Variants in GREM2 observed in about 807,000 individuals in gnomAD.
GREM2 encodes the protein gremlin-2.
A neutral mutation model predicts 14.2 loss-of-function variants in GREM2; 11 were observed. The ratio of observed to expected loss-of-function variants is 0.78; its 90% CI spans 0.49 to 1.28. GREM2 has a LOEUF of 1.28. Among genes scored for constraint, GREM2 ranks in the 50% most tolerant of loss-of-function variants. The pLI, the probability that GREM2 is intolerant of heterozygous loss-of-function variation, is 0.00. For missense variants in GREM2, 210 were observed against 218.5 expected, an observed-to-expected ratio of 0.96 and a Z score of 0.24; for synonymous variants, 98 against 97.6, an observed-to-expected ratio of 1.00 and a Z score of -0.02.
chr1:240,547,538 T>TAGATAGAA (rs1678766151), intron 1 of GREM2, among the ~76,000 whole-genome samples: 1 of 128,376 alleles, frequency 7.8e-6, no homozygotes, highest in African/African-American at 3.7e-5. Context: ...TATATATAGA[T>TAGATAGAA]AGATAGATAG....
intron 1 of GREM2, among the ~76,000 whole-genome samples, chr1:240,592,895 A>G (rs1246205176): frequency 6.6e-6 from 1 of 152,018 alleles, no homozygotes; most frequent in African/African-American, 2.4e-5. Context: ...GCAGGTTGGG[A>G]AGCCAAGGCA....
chr1:240,604,918 T>G (rs1558181136), intron 1 of GREM2, among the ~76,000 whole-genome samples: 1 of 152,374 alleles, frequency 6.6e-6, no homozygotes, highest in East Asian at 1.9e-4. Flanking sequence ...TGCCCTGGCA[T>G]GCTTATACTG....
intron 1 of GREM2, among the ~76,000 whole-genome samples, chr1:240,507,822 GGAA>G (rs142666209): frequency 6.6e-6 from 1 of 152,158 alleles, no homozygotes; most frequent in African/African-American, 2.4e-5. Flanking sequence ...ATTGCAGAGA[GGAA>G]GAAGTGAAGA....
rs925803547 is a variant in GREM2 at position 240,510,404 on chromosome 1, A to G, written c.-1-16928T>C. On this transcript the variant is annotated intron_variant, in intron 1 of 1. Transcript: ENST00000318160. ...AAAAAAAAAAAAAAAAAAAAATCAAATGGTATCCGGAATATGTCAATCCAC... is the reference window on the plus strand; with the variant it reads ...AAAAAAAAAAAAAAAAAAAAATCAAGTGGTATCCGGAATATGTCAATCCAC... Among the ~76,000 whole-genome samples the G allele has an allele frequency of 4.2e-5, 6 of 142,596 alleles. No homozygotes were observed. In the East Asian group the frequency reaches 1.0e-3, roughly 25 times the overall value. 93.5% of individuals were successfully genotyped at this position (142,596 alleles called of 152,430 possible). A position where few individuals can be genotyped will look rare whatever the true frequency, so the allele number is the denominator to read the frequency against.
chr1:240,554,584 C>T (rs1678918034), intron 1 of GREM2, among the ~76,000 whole-genome samples: 1 of 152,082 alleles, frequency 6.6e-6, no homozygotes, highest in South Asian at 2.1e-4. Flanking sequence ...TAGGTGTTGA[C>T]ATGAACAAAC....
intron 1 of GREM2, among the ~76,000 whole-genome samples, chr1:240,516,304 A>G (rs1221908761): frequency 3.3e-5 from 5 of 152,052 alleles, no homozygotes; most frequent in Admixed American, 3.3e-4. Flanking sequence ...GCGCAAAATG[A>G]TCTTAGGTCA....
At chr1:240,513,271 T>C (rs1677875170) in intron 1 of GREM2, among the ~76,000 whole-genome samples, 1 of 152,038 alleles carries the variant, frequency 6.6e-6, no homozygotes, top group South Asian at 2.1e-4. Context: ...GGACAAACTC[T>C]TCAGGTTCTT....
chr1:240,559,965 G>A (rs1179393703), intron 1 of GREM2, among the ~76,000 whole-genome samples: 2 of 152,088 alleles, frequency 1.3e-5, no homozygotes, highest in Non-Finnish European at 2.9e-5. Flanking sequence ...CAGCAGAAGT[G>A]CTTTATGCAG....
At chr1:240,576,076 A>G (rs1679367620) in intron 1 of GREM2, among the ~76,000 whole-genome samples, 1 of 152,128 alleles carries the variant, frequency 6.6e-6, no homozygotes, top group African/African-American at 2.4e-5. Context: ...ATTTTTTCCA[A>G]CTTTCTTCTA....
intron 1 of GREM2, among the ~76,000 whole-genome samples, chr1:240,600,734 T>C (rs1188612686): frequency 6.6e-6 from 1 of 152,152 alleles, no homozygotes; most frequent in African/African-American, 2.4e-5. Context: ...TCCACCTGCC[T>C]CGGCCTCCCA....
In GREM2 at chr1:240,502,747, T is replaced by C. The variant is rs577441288; in HGVS notation, c.-1-9271A>G. Among the ~76,000 whole-genome samples, 3 of 152,348 alleles carry C rather than the reference T, an allele frequency of 2.0e-5. No individual in the cohort carries two copies. The East Asian group carries it at 5.8e-4, about 29-fold the overall frequency. ...ATTTGAACAGACTCTGTTCACTTAC[T>C]TCCTAAGAGTCAAGATCTCCATTCT... On this transcript the variant is annotated intron_variant, in intron 1 of 1. Coordinates refer to ENST00000318160, the MANE Select transcript of GREM2 (RefSeq NM_022469.4).
At chr1:240,534,887 C>A (rs948944619) in intron 1 of GREM2, among the ~76,000 whole-genome samples, 1 of 151,784 alleles carries the variant, frequency 6.6e-6, no homozygotes, top group Non-Finnish European at 1.5e-5. Context: ...CTTTGGGTTT[C>A]GAAAATTTGG....
intron 1 of GREM2, among the ~76,000 whole-genome samples, chr1:240,565,223 T>A (rs1435380169): frequency 7.2e-5 from 11 of 152,136 alleles, no homozygotes. Context: ...ACACCTTTTC[T>A]TTTAGGTCAG....
At chr1:240,598,470 G>A (rs974213292) in intron 1 of GREM2, among the ~76,000 whole-genome samples, 10 of 152,158 alleles carry the variant, frequency 6.6e-5, no homozygotes, top group African/African-American at 2.4e-5. Flanking sequence ...CCCTTATGAA[G>A]ACCAAAGATA....
rs959770856 is a variant in GREM2 at position 240,492,703 on chromosome 1, T to C, written c.*266A>G. On this transcript the variant is annotated 3_prime_UTR_variant, in exon 2 of 2. Coordinates refer to ENST00000318160, the MANE Select transcript of GREM2 (RefSeq NM_022469.4). ...CTGACTGCTGGGTGGCGGTGGTGGT[T>C]TTCCAGCATTTTCCTTCGGGCCTGA... 1 of 285,276 alleles carries C rather than the reference T, an allele frequency of 3.5e-6. No homozygotes were observed. The highest frequency in any genetic ancestry group is 1.6e-4 in the South Asian group (1 of 6,134). 17.7% of individuals were successfully genotyped at this position (285,276 alleles called of 1,614,324 possible). A position where few individuals can be genotyped will look rare whatever the true frequency, so the allele number is the denominator to read the frequency against.
At chr1:240,606,243 G>A (rs1435153064) in intron 1 of GREM2, among the ~76,000 whole-genome samples, 1 of 152,172 alleles carries the variant, frequency 6.6e-6, no homozygotes, top group Non-Finnish European at 1.5e-5. Context: ...ACAAGAAATA[G>A]CCTCTGCCCT....
At position 240,510,293 on chromosome 1, in the gene GREM2, C is replaced by T. The variant is rs747314445; in HGVS notation, c.-1-16817G>A. 2.9e-4 allele frequency among the ~76,000 whole-genome samples: 37 copies of T among 126,418 alleles called. 1 individual carries two copies. The highest frequency in any genetic ancestry group is 1.6e-4 in the Non-Finnish European group (10 of 63,708). The allele number at this position is 126,418 out of a possible 152,430, so 82.9% of individuals were successfully genotyped here. On this transcript the variant is annotated intron_variant, in intron 1 of 1. Transcript: ENST00000318160. ...GCTGAGGCAGGAGAATGGCGTGAACCGGGGAGGCGGAGCTTGCACTGAGCA... is the reference window on the plus strand; with the variant it reads ...GCTGAGGCAGGAGAATGGCGTGAACTGGGGAGGCGGAGCTTGCACTGAGCA...
At chr1:240,538,797 A>T (rs1678531975) in intron 1 of GREM2, among the ~76,000 whole-genome samples, 1 of 152,226 alleles carries the variant, frequency 6.6e-6, no homozygotes, top group South Asian at 2.1e-4. Context: ...AATACCAATT[A>T]TTTACAAAAT....
Position 240,490,643 on chromosome 1 carries a change from G to A in GREM2, c.*2326C>T, listed in dbSNP as rs966039573. On this transcript the variant is annotated 3_prime_UTR_variant, in exon 2 of 2. Coordinates refer to ENST00000318160, the MANE Select transcript of GREM2 (RefSeq NM_022469.4). The stretch of plus-strand genomic sequence containing the variant: ...ATTATAAGGTAAACTTTGTACATAC[G>A]ATAACCCCAGAAGGAGCTTCACACT... 6.6e-6 allele frequency: 1 copy of A among 152,346 alleles called. No homozygotes were observed. Among genetic ancestry groups the A allele is most frequent in the Non-Finnish European group, 1.5e-5 (1 of 68,018 alleles). The allele number at this position is 152,346 out of a possible 1,614,324, so 9.4% of individuals were successfully genotyped here.
Sources: gnomAD v4.1 joint callset for allele counts (sites outside exome capture counted in the v4.1 genomes callset) on GRCh38, gnomAD v4.1.1 for gene constraint, MANE v1.5 for transcripts, NCBI Gene and HGNC (gene_info 2026-07-23, HGNC 2026-07-21) for gene names.